The following ELF2 variants were observed in gnomAD, a reference collection of about 807,000 sequenced individuals.
The protein encoded by ELF2 is ETS-related transcription factor Elf-2.
A neutral mutation model predicts 54.8 loss-of-function variants in ELF2; 11 were observed. The observed-to-expected ratio is 0.20, with a 90% CI of 0.13 to 0.33. ELF2 has a LOEUF of 0.33. Ranked by LOEUF, ELF2 falls within the 10% of genes least tolerant of loss-of-function variation. The pLI is 1.00. For synonymous variants in ELF2, 203 were observed against 245.1 expected (o/e 0.83, Z 1.61); for missense variants, 513 against 703.0 (o/e 0.73, Z 3.06).
intron 1 of ELF2, among the ~76,000 whole-genome samples, chr4:139,176,566 C>T (rs1742948878): frequency 6.6e-6 from 1 of 152,058 alleles, no homozygotes; most frequent in Non-Finnish European, 1.5e-5. Context: ...CGGGATGAGG[C>T]GGGTCAGTTC....
chr4:139,098,843 T>G (rs1370947155), intron 4 of ELF2, among the ~76,000 whole-genome samples: 1 of 152,248 alleles, frequency 6.6e-6, no homozygotes, highest in Non-Finnish European at 1.5e-5. Flanking sequence ...GCTTTATGCA[T>G]CTATTATAAA....
chr4:139,176,015 G>C (rs1026614703), intron 1 of ELF2, among the ~76,000 whole-genome samples: 4 of 152,206 alleles, frequency 2.6e-5, no homozygotes, highest in African/African-American at 9.7e-5. Context: ...TGGAGCAGAA[G>C]AGAGGGCTCG....
intron 2 of ELF2, among the ~76,000 whole-genome samples, chr4:139,138,998 T>G (rs1287721716): frequency 6.6e-6 from 1 of 152,186 alleles, no homozygotes; most frequent in Non-Finnish European, 1.5e-5. Context: ...TACAAAAATT[T>G]TCATACAGAG....
chr4:139,095,768 G>C (rs1383226505), intron 4 of ELF2, among the ~76,000 whole-genome samples: 1 of 152,072 alleles, frequency 6.6e-6, no homozygotes, highest in Non-Finnish European at 1.5e-5. Context: ...TGATTGGCCA[G>C]GCACAGTGGC....
chr4:139,115,009 T>A, intron 4 of ELF2: 1 of 1,613,726 alleles, frequency 6.2e-7, no homozygotes, highest in South Asian at 1.1e-5. Flanking sequence ...CTCTGTGGGT[T>A]TGTAACAGTC....
intron 1 of ELF2, among the ~76,000 whole-genome samples, chr4:139,173,235 T>C (rs1347587353): frequency 1.3e-5 from 2 of 152,118 alleles, no homozygotes; most frequent in African/African-American, 4.8e-5. Flanking sequence ...TACTAAAAAT[T>C]ATTGAATTAT....
At chr4:139,092,192 T>C (rs967516184) in intron 4 of ELF2, among the ~76,000 whole-genome samples, 1 of 151,126 alleles carries the variant, frequency 6.6e-6, no homozygotes, top group Non-Finnish European at 1.5e-5. Context: ...TGAAACCTCG[T>C]CTCTACTAAA....
chr4:139,105,314 TAG>T (rs1734310274), intron 4 of ELF2, among the ~76,000 whole-genome samples: 1 of 151,996 alleles, frequency 6.6e-6, no homozygotes, highest in Non-Finnish European at 1.5e-5. Context: ...ACCATAAATG[TAG>T]AGACTTTGCC....
chr4:139,097,865 G>C (rs1300643518), intron 4 of ELF2, among the ~76,000 whole-genome samples: 1 of 152,076 alleles, frequency 6.6e-6, no homozygotes, highest in African/African-American at 2.4e-5. Flanking sequence ...CTATAGGTGA[G>C]TGCCACCATG....
chr4:139,112,294 C>A (rs1735032565), intron 4 of ELF2, among the ~76,000 whole-genome samples: 1 of 152,216 alleles, frequency 6.6e-6, no homozygotes, highest in South Asian at 2.1e-4. Flanking sequence ...AGGCATTCTC[C>A]TGCTGTTTAC....
At chr4:139,166,652 A>C (rs112515895) in intron 1 of ELF2, among the ~76,000 whole-genome samples, 1 of 152,276 alleles carries the variant, frequency 6.6e-6, no homozygotes, top group African/African-American at 2.4e-5. Context: ...GCGGATCACA[A>C]GGTCAGGAGA....
intron 6 of ELF2, among the ~76,000 whole-genome samples, chr4:139,070,437 T>C (rs1187223478): frequency 6.6e-6 from 1 of 151,990 alleles, no homozygotes; most frequent in Non-Finnish European, 1.5e-5. Flanking sequence ...ACTACAGGCA[T>C]GCAACACCAC....
At chr4:139,067,922 T>A in intron 6 of ELF2, 152 bp from the exon 7 acceptor site, 3 of 705,304 alleles carry the variant, frequency 4.3e-6, no homozygotes, top group Non-Finnish European at 6.7e-6. Context: ...AAAAGGAGTA[T>A]TACAAACACT....
intron 3 of ELF2, among the ~76,000 whole-genome samples, chr4:139,136,584 T>C (rs977302258): frequency 1.3e-5 from 2 of 151,976 alleles, no homozygotes; most frequent in African/African-American, 2.4e-5. Context: ...CTCTCCATTT[T>C]CCCACCTCAG....
At chr4:139,173,295 T>G (rs909881216) in intron 1 of ELF2, among the ~76,000 whole-genome samples, 1 of 152,040 alleles carries the variant, frequency 6.6e-6, no homozygotes, top group Non-Finnish European at 1.5e-5. Context: ...AAAAGCTAAT[T>G]TATTAAAAAG....
At chr4:139,136,707 C>T (rs1226915443) in intron 3 of ELF2, 3 of 148,240 alleles carry the variant, frequency 2.0e-5, no homozygotes, top group Admixed American at 6.8e-5. Context: ...CTCTGTCGCA[C>T]AGGCTGGAGT....
At chr4:139,085,276 A>T (rs1333778847) in intron 4 of ELF2, among the ~76,000 whole-genome samples, 1 of 152,206 alleles carries the variant, frequency 6.6e-6, no homozygotes, top group Non-Finnish European at 1.5e-5. Flanking sequence ...ATTTAATAAT[A>T]CATAAATTGT....
At chr4:139,095,727 T>A (rs1353590370) in intron 4 of ELF2, among the ~76,000 whole-genome samples, 4 of 152,238 alleles carry the variant, frequency 2.6e-5, no homozygotes, top group Non-Finnish European at 5.9e-5. Flanking sequence ...GGATTTCATT[T>A]GCTATTCTTT....
chr4:139,067,715 T>C lies in ELF2; in HGVS notation c.582A>G (p.Leu194=). 2 of 1,611,260 alleles carry C rather than the reference T, an allele frequency of 1.2e-6. No homozygotes were observed. Among genetic ancestry groups the C allele is most frequent in the Non-Finnish European group, 1.7e-6 (2 of 1,177,948 alleles). Reference sequence around the variant, plus strand: ...CTTCTCTTGGTTTCTTCTTTATACCTAACTCAGGAGACCCATTGGAAATTG... The same window carrying C: ...CTTCTCTTGGTTTCTTCTTTATACCCAACTCAGGAGACCCATTGGAAATTG... ...QSPISNGSPE[L]GIKKKPREGK... is the part of the protein sequence containing the mutation. Residue 194 remains leucine (L), a synonymous_variant, in exon 7 of 10, where the codon TTA becomes TTG. Coordinates refer to ENST00000686138, the MANE Select transcript of ELF2 (RefSeq NM_001331036.3).
Sources: gnomAD v4.1 joint callset for allele counts (sites outside exome capture counted in the v4.1 genomes callset) on GRCh38, gnomAD v4.1.1 for gene constraint, MANE v1.5 for transcripts, NCBI Gene and HGNC (gene_info 2026-07-23, HGNC 2026-07-21) for gene names.